The following RAB10 variants were observed in gnomAD, a reference collection of about 807,000 sequenced individuals.
RAB10 encodes the protein ras-related protein Rab-10.
A neutral mutation model predicts 25.7 loss-of-function variants in RAB10; 5 were observed. That is an observed-to-expected ratio of 0.19 (90% confidence interval 0.10 to 0.41). The LOEUF (loss-of-function observed/expected upper bound fraction) is 0.41. RAB10 is among the 10% of genes least tolerant of loss of function. RAB10 has a pLI of 1.00. For missense variants in RAB10, 103 were observed against 245.8 expected (o/e 0.42, Z 3.89); for synonymous variants, 89 against 86.4 (o/e 1.03, Z -0.16).
Position 26,136,442 on chromosome 2 carries a change from C to T in RAB10, c.*1421C>T, listed in dbSNP as rs995517727. Reference sequence around the variant, plus strand: ...CATCCTTTTGGAAAACTTGTATTACCATGGGTTTGGAAAAAGGACAACGAA... The same window carrying T: ...CATCCTTTTGGAAAACTTGTATTACTATGGGTTTGGAAAAAGGACAACGAA... On this transcript the variant is annotated 3_prime_UTR_variant, in exon 6 of 6. Coordinates refer to ENST00000264710, the MANE Select transcript of RAB10 (RefSeq NM_016131.5). The T allele has an allele frequency of 1.3e-5, 2 of 152,526 alleles. No individual in the cohort carries two copies. The highest frequency in any genetic ancestry group is 2.9e-5 in the Non-Finnish European group (2 of 68,016). 9.4% of individuals were successfully genotyped at this position (152,526 alleles called of 1,614,324 possible).
chr2:26,044,929 A>G (rs1319578328), intron 1 of RAB10, among the ~76,000 whole-genome samples: 1 of 152,068 alleles, frequency 6.6e-6, no homozygotes, highest in East Asian at 1.9e-4. Context: ...GTTAAAAAAA[A>G]TCAGTGATAG....
At chr2:26,078,527 TG>T (rs1666787701) in intron 1 of RAB10, among the ~76,000 whole-genome samples, 1 of 152,198 alleles carries the variant, frequency 6.6e-6, no homozygotes, top group African/African-American at 2.4e-5. Context: ...TCTGGTCAGC[TG>T]ATTTTTGACA....
At chr2:26,087,856 T>C (rs1245699383) in intron 1 of RAB10, among the ~76,000 whole-genome samples, 1 of 152,222 alleles carries the variant, frequency 6.6e-6, no homozygotes, top group Non-Finnish European at 1.5e-5. Flanking sequence ...GTTACTATTA[T>C]TACACAAAAG....
At chr2:26,078,277 C>G (rs1666782475) in intron 1 of RAB10, among the ~76,000 whole-genome samples, 1 of 152,170 alleles carries the variant, frequency 6.6e-6, no homozygotes, top group African/African-American at 2.4e-5. Flanking sequence ...AGAGTCAATG[C>G]AATTCCTATC....
intron 3 of RAB10, 41 bp downstream of exon 3, chr2:26,109,947 T>G: frequency 6.7e-7 from 1 of 1,486,222 alleles, no homozygotes; most frequent in Non-Finnish European, 9.0e-7. Context: ...TGAACACACA[T>G]TTGTGTGCTT....
At chr2:26,099,932 A>AC (rs1458004645) in intron 2 of RAB10, among the ~76,000 whole-genome samples, 4 of 152,024 alleles carry the variant, frequency 2.6e-5, no homozygotes, top group Admixed American at 1.3e-4. Context: ...CCGCAGAATG[A>AC]CCTAGCTCCT....
intron 1 of RAB10, among the ~76,000 whole-genome samples, chr2:26,036,856 C>T (rs1241659709): frequency 6.6e-6 from 1 of 151,870 alleles, no homozygotes; most frequent in Non-Finnish European, 1.5e-5. Flanking sequence ...GTGGCGTGAT[C>T]TCGGCCCACT....
intron 1 of RAB10, among the ~76,000 whole-genome samples, chr2:26,044,030 G>A (rs1201401085): frequency 6.6e-5 from 10 of 152,126 alleles, no homozygotes; most frequent in African/African-American, 2.2e-4. Context: ...ATAAAACAAC[G>A]CATTACAGTT....
Position 26,052,470 on chromosome 2 carries a change from ATT to A in RAB10, c.127+17755_127+17756del, listed in dbSNP as rs10712935. ...TACAAGATGATGGAACCGTGAGCCA[ATT>A]TTTTTTTTTTTTTTTTTTTCACTGA... On this transcript the variant is annotated intron_variant, in intron 1 of 5. Coordinates refer to ENST00000264710, the MANE Select transcript of RAB10 (RefSeq NM_016131.5). Among the ~76,000 whole-genome samples the A allele has an allele frequency of 7.2e-3, 827 of 114,524 alleles. 9 individuals are homozygous for A. Among genetic ancestry groups the A allele is most frequent in the African/African-American group, 0.019 (563 of 29,696 alleles). 75.1% of individuals were successfully genotyped at this position (114,524 alleles called of 152,430 possible). A position where few individuals can be genotyped will look rare whatever the true frequency, so the allele number is the denominator to read the frequency against.
At chr2:26,040,643 G>A (rs1286429713) in intron 1 of RAB10, among the ~76,000 whole-genome samples, 1 of 152,054 alleles carries the variant, frequency 6.6e-6, no homozygotes, top group Non-Finnish European at 1.5e-5. Flanking sequence ...GGGTGACAGA[G>A]CGAGACCGTG....
chr2:26,043,191 G>A (rs1430801845), intron 1 of RAB10, among the ~76,000 whole-genome samples: 1 of 152,186 alleles, frequency 6.6e-6, no homozygotes, highest in Non-Finnish European at 1.5e-5. Context: ...ACTTTAGGAG[G>A]CCAGATTACT....
At chr2:26,089,615 T>C (rs1667062318) in intron 1 of RAB10, among the ~76,000 whole-genome samples, 1 of 152,220 alleles carries the variant, frequency 6.6e-6, no homozygotes, top group Non-Finnish European at 1.5e-5. Flanking sequence ...ATTCTTGCCC[T>C]GTATGCACCT....
chr2:26,049,316 C>T (rs1666083059), intron 1 of RAB10, among the ~76,000 whole-genome samples: 3 of 151,180 alleles, frequency 2.0e-5, no homozygotes, highest in Admixed American at 2.0e-4. Context: ...CTCAAGATTT[C>T]AGAGATTCTG....
chr2:26,061,736 A>G (rs1274638134), intron 1 of RAB10, among the ~76,000 whole-genome samples: 1 of 150,998 alleles, frequency 6.6e-6, no homozygotes, highest in African/African-American at 2.4e-5. Context: ...ATCTCTCTTC[A>G]CTTCATATCT....
chr2:26,129,872 C>G (rs1667978132), intron 5 of RAB10, among the ~76,000 whole-genome samples: 1 of 152,150 alleles, frequency 6.6e-6, no homozygotes, highest in Non-Finnish European at 1.5e-5. Flanking sequence ...TATAAAAGAT[C>G]TCCATAGTGT....
At chr2:26,034,883 G>T (rs781206168) in intron 1 of RAB10, 148 bp downstream of exon 1, 6 of 1,227,824 alleles carry the variant, frequency 4.9e-6, no homozygotes, top group Non-Finnish European at 6.8e-6. Context: ...AATCGGCATC[G>T]AGCTTACTGG....
At chr2:26,040,825 A>G (rs188680854) in intron 1 of RAB10, among the ~76,000 whole-genome samples, 2 of 152,274 alleles carry the variant, frequency 1.3e-5, no homozygotes, top group Admixed American at 6.5e-5. Flanking sequence ...TTATAGATTT[A>G]TAGGATGGTG....
intron 5 of RAB10, among the ~76,000 whole-genome samples, chr2:26,134,064 G>A (rs982564019): frequency 6.6e-6 from 1 of 152,132 alleles, no homozygotes; most frequent in Non-Finnish European, 1.5e-5. Flanking sequence ...ACCACCTAAG[G>A]GTTGCTACTG....
intron 1 of RAB10, among the ~76,000 whole-genome samples, chr2:26,035,088 G>A (rs944035210): frequency 6.6e-6 from 1 of 152,290 alleles, no homozygotes; most frequent in Non-Finnish European, 1.5e-5. Context: ...TATTTCAGTG[G>A]TTGCGATTGA....
Sources: allele counts gnomAD v4.1 joint callset (sites outside exome capture counted in the v4.1 genomes callset), GRCh38; gene constraint gnomAD v4.1.1; transcripts MANE v1.5; gene names NCBI Gene and HGNC (gene_info 2026-07-23, HGNC 2026-07-21).